Variants in KLHDC2 observed in about 807,000 individuals in gnomAD.
KLHDC2 encodes the protein kelch domain containing 2, also known as kelch domain-containing protein 2.
In KLHDC2, 38 loss-of-function variants were observed where a neutral mutation model predicts 62.3. The observed-to-expected ratio is 0.61, with a 90% CI of 0.47 to 0.80. KLHDC2 has a LOEUF of 0.80. KLHDC2 is among the 30% of genes least tolerant of loss of function. The pLI, the probability that KLHDC2 is intolerant of heterozygous loss-of-function variation, is 0.00. For missense variants in KLHDC2, 430 were observed against 495.3 expected (o/e 0.87, Z 1.25); for synonymous variants, 159 against 161.0 (o/e 0.99, Z 0.09).
intron 3 of KLHDC2, among the ~76,000 whole-genome samples, chr14:49,776,199 A>T (rs1187496359): frequency 1.3e-5 from 2 of 152,202 alleles, no homozygotes; most frequent in Admixed American, 6.5e-5. Context: ...TCTATAGGCT[A>T]TCATTGAGCC....
intron 1 of KLHDC2, 170 bp downstream of exon 1, chr14:49,768,791 T>A (rs1270571349): frequency 5.9e-5 from 36 of 605,930 alleles, no homozygotes; most frequent in Non-Finnish European, 9.2e-5. Flanking sequence ...GCGGGAATCT[T>A]CCTTCTCTCG....
chr14:49,775,449 G>A (rs1889750422), intron 3 of KLHDC2, among the ~76,000 whole-genome samples: 1 of 152,100 alleles, frequency 6.6e-6, no homozygotes, highest in South Asian at 2.1e-4. Flanking sequence ...ACAGCACCTG[G>A]CATATAGAAA....
At chr14:49,771,525 G>T in intron 1 of KLHDC2, 69 bp from the exon 2 acceptor site, 1 of 725,046 alleles carries the variant, frequency 1.4e-6, no homozygotes, top group Non-Finnish European at 2.5e-6. Flanking sequence ...TCTCAAGATC[G>T]ATTTAAAAAA....
chr14:49,768,767 T>G (rs937507838), intron 1 of KLHDC2, 146 bp downstream of exon 1: 142 of 563,006 alleles, frequency 2.5e-4, no homozygotes, highest in Non-Finnish European at 3.4e-4. Flanking sequence ...CCGTTGGTTG[T>G]TTTTTTTTTG....
At chr14:49,772,111 C>A (rs1889677314) in intron 2 of KLHDC2, among the ~76,000 whole-genome samples, 1 of 152,064 alleles carries the variant, frequency 6.6e-6, no homozygotes, top group African/African-American at 2.4e-5. Flanking sequence ...AATTTAGCAC[C>A]TGTTCTGTAG....
rs201794549 is a variant in KLHDC2, at chr14:49,777,960, T to G, written c.467+6T>G. The G allele has an allele frequency of 3.9e-6, 6 of 1,530,986 alleles. No homozygotes were observed. In the Admixed American group the frequency reaches 1.0e-4, roughly 27 times the overall value. 94.8% of individuals were successfully genotyped at this position (1,530,986 alleles called of 1,614,324 possible). On this transcript the variant is annotated splice_donor_region_variant and intron_variant, in intron 4 of 12. Coordinates refer to ENST00000298307, the MANE Select transcript of KLHDC2 (RefSeq NM_014315.3). The stretch of plus-strand genomic sequence containing the variant: ...GTCTGGGTATATAAAAACAAGTAAG[T>G]TGGCAGCACTACAGGTTTGGGTTTT...
rs768230215 is a variant in KLHDC2, at chr14:49,774,541, TTTAA to T, written c.234-17_234-14del. The T allele has an allele frequency of 2.7e-6, 4 of 1,481,546 alleles. No individual in the cohort carries two copies. In the African/African-American group the frequency reaches 5.5e-5, roughly 21 times the overall value. The allele number at this position is 1,481,546 out of a possible 1,614,324, so 91.8% of individuals were successfully genotyped here. ...ATTTCTTCCCTTTAACTTACATACA[TTTAA>T]TTTATTCCCCCTCAGGAAAAAAATC... On this transcript the variant is annotated splice_polypyrimidine_tract_variant and intron_variant, in intron 2 of 12. Coordinates refer to ENST00000298307, the MANE Select transcript of KLHDC2 (RefSeq NM_014315.3).
chr14:49,780,104 A>C (rs959263612), intron 8 of KLHDC2, 109 bp from the exon 9 acceptor site: 1 of 732,260 alleles, frequency 1.4e-6, no homozygotes, highest in Non-Finnish European at 2.3e-6. Flanking sequence ...GCCTTTTTAA[A>C]CTTAAGGTCT....
Position 49,784,719 on chromosome 14 carries a change from A to C in KLHDC2, c.*1766A>C. On this transcript the variant is annotated 3_prime_UTR_variant, in exon 13 of 13. Transcript: ENST00000298307. Reference sequence around the variant, plus strand: ...TTTCTTGATAAATCTGTGTCCTAAAAAAAGAAAATTGCTGAATATCTTCAC... The same window carrying C: ...TTTCTTGATAAATCTGTGTCCTAAACAAAGAAAATTGCTGAATATCTTCAC... The C allele has an allele frequency of 6.2e-7, 1 of 1,610,530 alleles. No homozygotes were observed. Among genetic ancestry groups the C allele is most frequent in the Non-Finnish European group, 8.5e-7 (1 of 1,177,486 alleles).
At chr14:49,771,168 G>C (rs921278657) in intron 1 of KLHDC2, among the ~76,000 whole-genome samples, 10 of 152,102 alleles carry the variant, frequency 6.6e-5, no homozygotes, top group Non-Finnish European at 8.8e-5. Flanking sequence ...GGCCAACATG[G>C]TGAAACCCTG....
rs776092285 is a variant in KLHDC2, at chr14:49,782,289, A to C, written c.957-81A>C. ...AACTACCTTAAGATCGCTAGTCTTT[A>C]TTTCATAGCTCTATTCTGTAGTATA... On this transcript the variant is annotated intron_variant, in intron 10 of 12. Transcript: ENST00000298307. 2.2e-5 allele frequency: 19 copies of C among 847,686 alleles called. No individual in the cohort carries two copies. The Middle Eastern group carries it at 1.2e-3, about 53-fold the overall frequency. The allele number at this position is 847,686 out of a possible 1,614,324, so 52.5% of individuals were successfully genotyped here. A position where few individuals can be genotyped will look rare whatever the true frequency, so the allele number is the denominator to read the frequency against.
chr14:49,777,547 T>G (rs1313577355), intron 3 of KLHDC2, among the ~76,000 whole-genome samples: 1 of 141,948 alleles, frequency 7.0e-6, no homozygotes, highest in African/African-American at 2.6e-5. Flanking sequence ...AATCTATGAT[T>G]GTGCCACTGC....
In KLHDC2 at chr14:49,783,126, G is replaced by A. The variant is rs1189969528; in HGVS notation, c.*173G>A. On this transcript the variant is annotated 3_prime_UTR_variant, in exon 13 of 13. Coordinates refer to ENST00000298307, the MANE Select transcript of KLHDC2 (RefSeq NM_014315.3). ...TTTGTGTCTAAAGTTTACAATAAAT[G>A]TATTTAACACCAGTAGCTGTCCTCT... 16 of 509,344 alleles carry A rather than the reference G, an allele frequency of 3.1e-5. No homozygotes were observed. The highest frequency in any genetic ancestry group is 5.3e-5 in the Non-Finnish European group (16 of 301,298). 31.6% of individuals were successfully genotyped at this position (509,344 alleles called of 1,614,324 possible).
rs762196114 is a variant in KLHDC2, at chr14:49,778,377, T to C, written c.550-34T>C. 7.2e-6 allele frequency: 10 copies of C among 1,393,514 alleles called. No individual in the cohort carries two copies. In the Middle Eastern group the frequency reaches 1.2e-3, roughly 172 times the overall value. The allele number at this position is 1,393,514 out of a possible 1,614,324, so 86.3% of individuals were successfully genotyped here. On this transcript the variant is annotated intron_variant, in intron 5 of 12. Coordinates refer to ENST00000298307, the MANE Select transcript of KLHDC2 (RefSeq NM_014315.3). ...AGGCTGTCTAATTTTATAAATATCA[T>C]TTCTAAAATAACGCGGATTCTTATT...
chr14:49,780,241 C>A lies in KLHDC2; in HGVS notation c.802C>A (p.Arg268=). The change falls in exon 9 of 13, where the codon CGA becomes AGA. Residue 268 remains arginine, a synonymous_variant. Transcript: ENST00000298307. ...LIPQGICPVG[R]SWHSLTPVSS... is the part of the protein sequence containing the mutation. The stretch of plus-strand genomic sequence containing the variant: ...TCCACAAGGCATATGCCCAGTTGGT[C>A]GATCTTGGCACTCACTAACACCAGT... 1 of 1,612,922 alleles carries A rather than the reference C, an allele frequency of 6.2e-7. No homozygotes were observed. The highest frequency in any genetic ancestry group is 1.1e-5 in the South Asian group (1 of 91,000).
rs776612277 is a variant in KLHDC2 at position 49,782,961 on chromosome 14, T to G, written c.*8T>G. 2 of 1,610,322 alleles carry G rather than the reference T, an allele frequency of 1.2e-6. No individual in the cohort carries two copies. Among genetic ancestry groups the G allele is most frequent in the Non-Finnish European group, 1.7e-6 (2 of 1,178,548 alleles). The stretch of plus-strand genomic sequence containing the variant: ...AACACTTCTGGATCTTAAGGCTTCA[T>G]AAATAATGCCTATGATCACCTTGCA... On this transcript the variant is annotated 3_prime_UTR_variant, in exon 13 of 13. Transcript: ENST00000298307.
Position 49,779,746 on chromosome 14 carries a change from A to T in KLHDC2, c.715-2A>T. Reference sequence around the variant, plus strand: ...AATGATAACTTAATTATCCTTTTTTAGGATGCTAGAATGAATGATCTTCAC... The same window carrying T: ...AATGATAACTTAATTATCCTTTTTTTGGATGCTAGAATGAATGATCTTCAC... On this transcript the variant is annotated splice_acceptor_variant, in intron 7 of 12. Transcript: ENST00000298307. LOFTEE classifies it high-confidence loss of function. 6.2e-7 allele frequency: 1 copy of T among 1,610,344 alleles called. No individual in the cohort carries two copies. Among genetic ancestry groups the T allele is most frequent in the Non-Finnish European group, 8.5e-7 (1 of 1,176,994 alleles).
intron 1 of KLHDC2, chr14:49,768,916 C>T (rs1177933507): frequency 1.0e-5 from 4 of 388,046 alleles, no homozygotes; most frequent in African/African-American, 4.3e-5. Context: ...CGGGGAAGGC[C>T]CTGTTAATGT....
chr14:49,782,441 T>A lies in KLHDC2; in HGVS notation c.1028T>A (p.Leu343His), dbSNP rs771573917. The A allele has an allele frequency of 1.2e-6, 2 of 1,612,066 alleles. No homozygotes were observed. Among genetic ancestry groups the A allele is most frequent in the Non-Finnish European group, 1.7e-6 (2 of 1,178,220 alleles). The change falls in exon 11 of 13, where the codon CTT (leucine) becomes CAT (histidine). Residue 343 changes from leucine to histidine, a missense_variant. Leu to His is a moderately conservative substitution (Grantham distance 99). Coordinates refer to ENST00000298307, the MANE Select transcript of KLHDC2 (RefSeq NM_014315.3). ...IVFGGCANNL[L>H]VHHRAAHSNE... ...TTTGGTGGATGTGCCAACAACTTGCTTGTCCATCACAGAGCTGTAAGTATA... is the reference window on the plus strand; with the variant it reads ...TTTGGTGGATGTGCCAACAACTTGCATGTCCATCACAGAGCTGTAAGTATA...
Sources: gnomAD v4.1 joint callset for allele counts (sites outside exome capture counted in the v4.1 genomes callset) on GRCh38, gnomAD v4.1.1 for gene constraint, MANE v1.5 for transcripts, NCBI Gene and HGNC (gene_info 2026-07-23, HGNC 2026-07-21) for gene names.